TP53BP1: variants seen among roughly 807,000 people sequenced by gnomAD.
TP53BP1 encodes the protein tumor protein p53 binding protein 1.
A neutral mutation model predicts 200.8 loss-of-function variants in TP53BP1; 61 were observed. The ratio of observed to expected loss-of-function variants is 0.30; its 90% CI spans 0.25 to 0.38. The LOEUF (loss-of-function observed/expected upper bound fraction) is 0.38, where lower values mean the gene tolerates loss of function less well. Among genes scored for constraint, TP53BP1 ranks in the 10% least tolerant of loss-of-function variants. The probability of loss-of-function intolerance (pLI) is 1.00; values close to 1 mark genes in which losing one functional copy is unlikely to be tolerated. For synonymous variants in TP53BP1, 822 were observed against 844.3 expected, an observed-to-expected ratio of 0.97 and a Z score of 0.46; for missense variants, 2,144 against 2,371.9, an observed-to-expected ratio of 0.90 and a Z score of 2.00.
Position 43,456,182 on chromosome 15 carries a change from G to A in TP53BP1, c.2426C>T (p.Thr809Ile), listed in dbSNP as rs368182519. ...IEPCAENRLD[T>I]KEEKSVEYEG... is the part of the protein sequence containing the mutation. ...ATATTCTACACTCTTTTCTTCCTTG[G>A]TGTCTAATCTATTCTCAGCACATGG... The change falls in exon 12 of 28, where the codon ACC becomes ATC. Residue 809 changes from threonine (T) to isoleucine (I), a missense_variant. Physicochemically the swap from Thr to Ile is moderately conservative, Grantham distance 89. Around this residue, in one of 4 missense-constraint regions of TP53BP1, gnomAD observed 1,700 missense variants for 1,710.3 expected, o/e 0.99. Transcript: ENST00000382044. The A allele has an allele frequency of 2.4e-5, 38 of 1,613,998 alleles. No homozygotes were observed. Among genetic ancestry groups the A allele is most frequent in the Non-Finnish European group, 3.0e-5 (35 of 1,180,044 alleles).
intron 8 of TP53BP1, 93 bp from the exon 9 acceptor site, chr15:43,475,787 C>T: frequency 2.1e-6 from 3 of 1,430,888 alleles, no homozygotes; most frequent in Non-Finnish European, 1.9e-6. Context: ...ATCCATATTT[C>T]CAACATATTT....
At position 43,404,954 on chromosome 15, in the gene TP53BP1, C is replaced by A. The variant is rs1201103220; in HGVS notation, c.*2429G>T. ...CTCTAAACTTTAAAAAAAACTGATA[C>A]CGAGATTCAGTGGTAGCTGGCTTCC... On this transcript the variant is annotated 3_prime_UTR_variant, in exon 28 of 28. Coordinates refer to ENST00000382044, the MANE Select transcript of TP53BP1 (RefSeq NM_001141980.3). The A allele has an allele frequency of 3.7e-6, 2 of 538,240 alleles. No homozygotes were observed. The highest frequency in any genetic ancestry group is 1.9e-5 in the African/African-American group (1 of 52,048). 33.3% of individuals were successfully genotyped at this position (538,240 alleles called of 1,614,324 possible).
intron 7 of TP53BP1, 27 bp from the exon 8 acceptor site, chr15:43,477,786 A>G: frequency 6.7e-7 from 1 of 1,488,690 alleles, no homozygotes; most frequent in Non-Finnish European, 9.0e-7. Context: ...ACCAGGAGAA[A>G]AAGTTCCTAA....
intron 23 of TP53BP1, chr15:43,414,203 A>T: frequency 2.3e-6 from 1 of 437,050 alleles, no homozygotes; most frequent in Admixed American, 2.8e-5. Flanking sequence ...GAAGACCACC[A>T]AAGTTTGAAT....
At position 43,404,939 on chromosome 15, in the gene TP53BP1, T is replaced by C. The variant is rs749853672; in HGVS notation, c.*2444A>G. 2.5e-5 allele frequency: 13 copies of C among 528,200 alleles called. No individual in the cohort carries two copies. The South Asian group carries it at 3.1e-4, about 13-fold the overall frequency. 32.7% of individuals were successfully genotyped at this position (528,200 alleles called of 1,614,324 possible). A position where few individuals can be genotyped will look rare whatever the true frequency, so the allele number is the denominator to read the frequency against. Reference sequence around the variant, plus strand: ...GACCACCCCTTCTAACTCTAAACTTTAAAAAAAACTGATACCGAGATTCAG... The same window carrying C: ...GACCACCCCTTCTAACTCTAAACTTCAAAAAAAACTGATACCGAGATTCAG... On this transcript the variant is annotated 3_prime_UTR_variant, in exon 28 of 28. Coordinates refer to ENST00000382044, the MANE Select transcript of TP53BP1 (RefSeq NM_001141980.3).
intron 24 of TP53BP1, among the ~76,000 whole-genome samples, chr15:43,410,735 A>T (rs1398250082): frequency 4.6e-5 from 7 of 152,288 alleles, no homozygotes; most frequent in African/African-American, 1.7e-4. Flanking sequence ...AGTAAAACTT[A>T]GAGCAGATCC....
chr15:43,424,049 C>G (rs1595536307), intron 18 of TP53BP1, among the ~76,000 whole-genome samples: 1 of 152,190 alleles, frequency 6.6e-6, no homozygotes, highest in Admixed American at 6.5e-5. Flanking sequence ...CCACAAACAC[C>G]TGAAATTCAA....
At position 43,415,670 on chromosome 15, in the gene TP53BP1, G is replaced by A; in HGVS notation, c.5013C>T (p.Gly1671=). The change falls in exon 23 of 28, where the codon GGC becomes GGT. Residue 1671 remains glycine, a synonymous_variant. Coordinates refer to ENST00000382044, the MANE Select transcript of TP53BP1 (RefSeq NM_001141980.3). The stretch of plus-strand genomic sequence containing the variant: ...CTTCAGAAGTGATAAGTTTTCTTTT[G>A]CCTGAGAGAACTCCCATGGAGGCAC... ...SPRASMGVLS[G]KRKLITSEEE... is the part of the protein sequence containing the mutation. 1 of 1,614,190 alleles carries A rather than the reference G, an allele frequency of 6.2e-7. No homozygotes were observed. Among genetic ancestry groups the A allele is most frequent in the Non-Finnish European group, 8.5e-7 (1 of 1,180,038 alleles).
At chr15:43,485,112 A>C (rs1299238652) in intron 4 of TP53BP1, among the ~76,000 whole-genome samples, 4 of 152,088 alleles carry the variant, frequency 2.6e-5, no homozygotes, top group South Asian at 2.1e-4. Context: ...TGCTATATTT[A>C]TCTCTTCAGC....
chr15:43,490,513 T>C (rs1301909523), intron 4 of TP53BP1, among the ~76,000 whole-genome samples: 3 of 152,032 alleles, frequency 2.0e-5, no homozygotes, highest in Non-Finnish European at 4.4e-5. Context: ...TGTGAGCCAC[T>C]GCGCCCAGCC....
At chr15:43,495,880 C>T (rs968571824), upstream of TP53BP1, among the ~76,000 whole-genome samples, 10 of 151,312 alleles carry the variant, frequency 6.6e-5, no homozygotes, top group Non-Finnish European at 1.0e-4. Flanking sequence ...ATGAGTGAGC[C>T]ATTTGCATTA....
At chr15:43,505,884 A>G (rs2079233236) in intron 1 of TP53BP1, among the ~76,000 whole-genome samples, 2 of 152,228 alleles carry the variant, frequency 1.3e-5, no homozygotes, top group South Asian at 2.1e-4. Flanking sequence ...AGCCTCTGAC[A>G]CAGCACTTCT....
intron 11 of TP53BP1, among the ~76,000 whole-genome samples, chr15:43,459,749 C>G (rs925684763): frequency 6.6e-6 from 1 of 151,876 alleles, no homozygotes; most frequent in African/African-American, 2.4e-5. Flanking sequence ...TCACTGCAGC[C>G]TCAATTTCCT....
intron 2 of TP53BP1, 65 bp downstream of exon 2, chr15:43,492,219 G>C: frequency 6.6e-7 from 1 of 1,521,626 alleles, no homozygotes; most frequent in Non-Finnish European, 8.9e-7. Flanking sequence ...AAATACTTAT[G>C]TTTGCTGGTT....
chr15:43,492,016 T>C lies in TP53BP1; in HGVS notation c.272A>G (p.Glu91Gly), dbSNP rs1374309197. The stretch of plus-strand genomic sequence containing the variant: ...AAACACCTCACCTGCAACCTTGTTT[T>C]CTTTCAAATGTTCATTGAACCCACT... ...GNSGFNEHLK[E>G]NKVADPVDSS... is the part of the protein sequence containing the mutation. The change falls in exon 3 of 28, where the codon GAA (glutamate) becomes GGA (glycine). Residue 91 changes from glutamate (E) to glycine (G), a missense_variant. By Grantham distance (98) the Glu-to-Gly change is moderately conservative. Around this residue, in one of 4 missense-constraint regions of TP53BP1, gnomAD observed 1,700 missense variants for 1,710.3 expected, o/e 0.99. Coordinates refer to ENST00000382044, the MANE Select transcript of TP53BP1 (RefSeq NM_001141980.3). 1 of 1,613,884 alleles carries C rather than the reference T, an allele frequency of 6.2e-7. No homozygotes were observed. The highest frequency in any genetic ancestry group is 8.5e-7 in the Non-Finnish European group (1 of 1,179,750).
In TP53BP1 at chr15:43,479,461, G is replaced by T; in HGVS notation, c.724C>A (p.Pro242Thr). Residue 242 changes from proline (P) to threonine (T), a missense_variant, in exon 7 of 28, where the codon CCT becomes ACT. By Grantham distance (38) the Pro-to-Thr change is conservative. Around this residue, in one of 4 missense-constraint regions of TP53BP1, gnomAD observed 1,700 missense variants for 1,710.3 expected, o/e 0.99. Coordinates refer to ENST00000382044, the MANE Select transcript of TP53BP1 (RefSeq NM_001141980.3). ...TCCTTACTGGGCTGTGCTGTCACAG[G>T]GATGTCCTTGCTGGACTGTTCTGCT... ...PIAEQSSKDIPVTAQPSKDVH... is the reference protein window; with the variant it reads ...PIAEQSSKDITVTAQPSKDVH... 2 of 1,613,796 alleles carry T rather than the reference G, an allele frequency of 1.2e-6. No homozygotes were observed. Among genetic ancestry groups the T allele is most frequent in the African/African-American group, 1.3e-5 (1 of 74,974 alleles).
Position 43,456,178 on chromosome 15 carries a change from C to T in TP53BP1, c.2430G>A (p.Lys810=). The T allele has an allele frequency of 6.2e-7, 1 of 1,614,138 alleles. No homozygotes were observed. The highest frequency in any genetic ancestry group is 2.2e-5 in the East Asian group (1 of 44,884). The stretch of plus-strand genomic sequence containing the variant: ...CTTCATATTCTACACTCTTTTCTTC[C>T]TTGGTGTCTAATCTATTCTCAGCAC... The part of the protein sequence containing the change: ...EPCAENRLDT[K]EEKSVEYEGD... The change falls in exon 12 of 28, where the codon AAG becomes AAA. Residue 810 remains lysine (K), a synonymous_variant. Transcript: ENST00000382044.
chr15:43,454,016 C>A (rs1032804549), intron 12 of TP53BP1, among the ~76,000 whole-genome samples: 2 of 151,910 alleles, frequency 1.3e-5, no homozygotes, highest in Non-Finnish European at 2.9e-5. Flanking sequence ...ACCATCCTGG[C>A]CAGCATGGTG....
chr15:43,487,914 T>A (rs957167622), intron 4 of TP53BP1, among the ~76,000 whole-genome samples: 1 of 152,028 alleles, frequency 6.6e-6, no homozygotes, highest in Non-Finnish European at 1.5e-5. Flanking sequence ...CTGTGGTACA[T>A]CCACGGCATG....
Sources: allele counts gnomAD v4.1 joint callset (sites outside exome capture counted in the v4.1 genomes callset), GRCh38; gene constraint gnomAD v4.1.1; regional missense constraint gnomAD v4.1.1; transcripts MANE v1.5; gene names NCBI Gene and HGNC (gene_info 2026-07-23, HGNC 2026-07-21).